Variants in FAAH2 observed in about 807,000 individuals in gnomAD.
The protein encoded by FAAH2 is fatty acid amide hydrolase 2.
A neutral mutation model predicts 36.9 loss-of-function variants in FAAH2; 60 were observed. The ratio of observed to expected loss-of-function variants is 1.63; its 90% CI spans 1.32 to 2.02. The LOEUF is 2.02. FAAH2 is among the 30% of genes most tolerant of loss of function. FAAH2 has a pLI of 0.00. For synonymous variants in FAAH2, 214 were observed against 143.8 expected, an observed-to-expected ratio of 1.49 and a Z score of -3.49; for missense variants, 689 against 397.5, an observed-to-expected ratio of 1.73 and a Z score of -6.23.
chrX:57,395,112 C>T (rs980305913), intron 7 of FAAH2: 2 of 541,847 alleles, frequency 3.7e-6, no homozygotes, highest in Admixed American at 4.5e-5. Flanking sequence ...CTAGAGATAG[C>T]TGCACTACGA....
At chrX:57,232,199 C>T in the FAAH2 span, among the ~76,000 whole-genome samples, 1 of 111,814 alleles carries the variant, frequency 8.9e-6, no homozygotes, top group Admixed American at 9.5e-5. Context: ...ATTGAAAGGG[C>T]ATGACAATTC....
chrX:57,444,087 G>A (rs974267020), intron 8 of FAAH2, among the ~76,000 whole-genome samples: 7 of 111,903 alleles, frequency 6.3e-5, no homozygotes, highest in Admixed American at 1.9e-4. Context: ...CAGTCTGTCC[G>A]TTCTCAGATC....
chrX:57,274,296 C>G, the FAAH2 span, among the ~76,000 whole-genome samples: 1 of 111,706 alleles, frequency 9.0e-6, no homozygotes, highest in Non-Finnish European at 1.9e-5. Flanking sequence ...AAGTCCAGGA[C>G]CAGACAGATT....
chrX:57,327,876 C>A (rs1208856729), intron 3 of FAAH2, among the ~76,000 whole-genome samples: 1 of 111,936 alleles, frequency 8.9e-6, no homozygotes, highest in Non-Finnish European at 1.9e-5. Context: ...TGTTGCATTG[C>A]TGATTAGTAG....
chrX:57,347,007 C>A (rs953657001), intron 5 of FAAH2, among the ~76,000 whole-genome samples: 4 of 111,012 alleles, frequency 3.6e-5, no homozygotes, highest in Admixed American at 1.9e-4. Flanking sequence ...TTACTTTTCC[C>A]ATTGACCTTG....
At chrX:57,405,505 G>A (rs1022476002) in intron 7 of FAAH2, among the ~76,000 whole-genome samples, 1 of 108,656 alleles carries the variant, frequency 9.2e-6, no homozygotes, top group Non-Finnish European at 1.9e-5. Flanking sequence ...GATCAGTAGT[G>A]TGGCAGACAC....
At chrX:57,325,544 A>G (rs1317734017) in intron 3 of FAAH2, among the ~76,000 whole-genome samples, 1 of 109,734 alleles carries the variant, frequency 9.1e-6, no homozygotes, top group Non-Finnish European at 1.9e-5. Flanking sequence ...TCAGAGATTG[A>G]ACTTCTTCCT....
chrX:57,416,563 C>G (rs186110514), intron 7 of FAAH2, among the ~76,000 whole-genome samples: 2 of 112,265 alleles, frequency 1.8e-5, no homozygotes, highest in East Asian at 2.8e-4. Context: ...GGCCCCCACT[C>G]TATTCTGGCT....
intron 2 of FAAH2, among the ~76,000 whole-genome samples, chrX:57,304,732 A>G (rs1387111591): frequency 8.9e-6 from 1 of 111,976 alleles, no homozygotes; most frequent in Non-Finnish European, 1.9e-5. Context: ...GCAGCGAACA[A>G]TGTCTGCAAC....
At chrX:57,398,175 G>T (rs187702351) in intron 7 of FAAH2, among the ~76,000 whole-genome samples, 13 of 111,901 alleles carry the variant, frequency 1.2e-4, no homozygotes, top group Non-Finnish European at 1.9e-5. Flanking sequence ...ATTATAAATC[G>T]TGCTGCTATA....
At chrX:57,239,229 G>A in the FAAH2 span, among the ~76,000 whole-genome samples, 1 of 111,275 alleles carries the variant, frequency 9.0e-6, no homozygotes, top group East Asian at 2.8e-4. Context: ...GTCTGGTCCA[G>A]GGCTCTTTCT....
At chrX:57,449,920 C>A (rs1015107446) in intron 10 of FAAH2, among the ~76,000 whole-genome samples, 5 of 111,684 alleles carry the variant, frequency 4.5e-5, no homozygotes, top group African/African-American at 1.6e-4. Context: ...TCCGCCTTGG[C>A]CTCCCAGAGT....
chrX:57,168,411 C>A, the FAAH2 span, among the ~76,000 whole-genome samples: 22 of 110,698 alleles, frequency 2.0e-4, no homozygotes, highest in Non-Finnish European at 3.8e-4. Flanking sequence ...CACACACACA[C>A]AAACACACAT....
the FAAH2 span, among the ~76,000 whole-genome samples, chrX:57,281,570 T>C: frequency 5.3e-5 from 6 of 112,393 alleles, no homozygotes; most frequent in Non-Finnish European, 1.9e-5. Flanking sequence ...ATGTGTTTTT[T>C]AAATGTTTAT....
intron 3 of FAAH2, among the ~76,000 whole-genome samples, chrX:57,324,867 C>T (rs1325851034): frequency 8.9e-6 from 1 of 111,915 alleles, no homozygotes; most frequent in African/African-American, 3.3e-5. Flanking sequence ...CCATAACTTC[C>T]AACACTATGT....
chrX:57,144,271 A>C, the FAAH2 span, among the ~76,000 whole-genome samples: 1 of 110,978 alleles, frequency 9.0e-6, no homozygotes, highest in African/African-American at 3.3e-5. Flanking sequence ...GAGCTTGATT[A>C]TTATATGCCT....
rs186193480 is a variant in FAAH2, at chrX:57,333,469, C to T, written c.622+1662C>T. On this transcript the variant is annotated intron_variant, in intron 4 of 10. Transcript: ENST00000374900. The stretch of plus-strand genomic sequence containing the variant: ...TGGAAGAGATATTGAAATTATCAGA[C>T]TGAGAATTGAAACCATTTGTGATTA... 2.7e-5 allele frequency among the ~76,000 whole-genome samples: 3 copies of T among 111,531 alleles called. No individual in the cohort carries two copies. In the East Asian group the frequency reaches 8.5e-4, roughly 31 times the overall value.
intron 1 of FAAH2, among the ~76,000 whole-genome samples, chrX:57,288,733 T>C (rs1309963139): frequency 9.0e-6 from 1 of 111,302 alleles, no homozygotes; most frequent in Non-Finnish European, 1.9e-5. Flanking sequence ...TTTAGAGTTA[T>C]TGTGATGAAT....
chrX:57,176,485 T>A, the FAAH2 span, among the ~76,000 whole-genome samples: 1 of 93,439 alleles, frequency 1.1e-5, no homozygotes, highest in Non-Finnish European at 2.0e-5. Flanking sequence ...TATCCTGAAT[T>A]GTTTCAATAA....
Sources: gnomAD v4.1 joint callset for allele counts (sites outside exome capture counted in the v4.1 genomes callset) on GRCh38, gnomAD v4.1.1 for gene constraint, MANE v1.5 for transcripts, NCBI Gene and HGNC (gene_info 2026-07-23, HGNC 2026-07-21) for gene names.